TUB: variants seen among roughly 807,000 people sequenced by gnomAD.
TUB encodes the protein tubby protein homolog.
A neutral mutation model predicts 59.7 loss-of-function variants in TUB; 33 were observed. That is an observed-to-expected ratio of 0.55 (90% CI 0.42 to 0.74). The LOEUF is 0.74. Ranked by LOEUF, TUB falls within the 30% of genes least tolerant of loss-of-function variation. TUB has a pLI of 0.00. For missense variants in TUB, 659 were observed against 672.0 expected (o/e 0.98, Z 0.21); for synonymous variants, 293 against 256.4 (o/e 1.14, Z -1.36).
At chr11:8,099,508 T>C (rs1054438961) in intron 9 of TUB, among the ~76,000 whole-genome samples, 1 of 152,140 alleles carries the variant, frequency 6.6e-6, no homozygotes, top group African/African-American at 2.4e-5. Context: ...CTGACCAGTT[T>C]TGGGGAGGCA....
At chr11:8,046,803 T>C (rs1942841571) in intron 2 of TUB, among the ~76,000 whole-genome samples, 1 of 152,142 alleles carries the variant, frequency 6.6e-6, no homozygotes, top group Non-Finnish European at 1.5e-5. Context: ...TTTCAGTGGA[T>C]TCTCTGAAGC....
chr11:8,020,640 T>C (rs935900628), intron 1 of TUB, among the ~76,000 whole-genome samples: 6 of 152,316 alleles, frequency 3.9e-5, no homozygotes, highest in East Asian at 1.9e-4. Context: ...TGGGGAAATA[T>C]ATCGTCTGAA....
intron 1 of TUB, among the ~76,000 whole-genome samples, chr11:8,030,565 G>A (rs1942554743): frequency 6.6e-6 from 1 of 152,184 alleles, no homozygotes; most frequent in Non-Finnish European, 1.5e-5. Flanking sequence ...CCCTAGATAT[G>A]TATGTGTGTT....
In TUB at chr11:8,103,764, C is replaced by T. The variant is rs1301476209; in HGVS notation, c.*2145C>T. On this transcript the variant is annotated 3_prime_UTR_variant, in exon 12 of 12. Coordinates refer to ENST00000299506, the MANE Select transcript of TUB (RefSeq NM_177972.3). ...TGAGATGATGGAAACTAGATCGTCT[C>T]TAATGTTAGGTCAAGCTATTTCTCT... is the stretch of plus-strand genomic sequence containing the variant. 2 of 152,644 alleles carry T rather than the reference C, an allele frequency of 1.3e-5. No individual in the cohort carries two copies. Among genetic ancestry groups the T allele is most frequent in the Non-Finnish European group, 2.9e-5 (2 of 68,050 alleles). 9.5% of individuals were successfully genotyped at this position (152,644 alleles called of 1,614,324 possible).
At chr11:8,063,334 G>C (rs1162220816) in intron 2 of TUB, among the ~76,000 whole-genome samples, 1 of 152,190 alleles carries the variant, frequency 6.6e-6, no homozygotes, top group African/African-American at 2.4e-5. Context: ...TTTAGAAAAA[G>C]AAAGTAAAAT....
chr11:8,066,258 C>T (rs1162384032), intron 2 of TUB, among the ~76,000 whole-genome samples: 1 of 152,200 alleles, frequency 6.6e-6, no homozygotes, highest in African/African-American at 2.4e-5. Flanking sequence ...CCACTTGGCA[C>T]ACAGCATGAC....
intron 2 of TUB, among the ~76,000 whole-genome samples, chr11:8,074,222 G>T (rs2133801301): frequency 6.6e-6 from 1 of 152,154 alleles, no homozygotes; most frequent in South Asian, 2.1e-4. Context: ...AGGGGCCAAA[G>T]CTGGAGCTAA....
intron 11 of TUB, 27 bp from the exon 12 acceptor site, chr11:8,101,459 T>C (rs751826346): frequency 5.8e-6 from 6 of 1,028,688 alleles, no homozygotes; most frequent in Non-Finnish European, 7.8e-6. Context: ...TGTCCTTTTC[T>C]CTGTCTGTGC....
chr11:8,095,492 C>T lies in TUB; in HGVS notation c.398-6C>T, dbSNP rs760094717. On this transcript the variant is annotated splice_region_variant and splice_polypyrimidine_tract_variant and intron_variant, in intron 4 of 11. Coordinates refer to ENST00000299506, the MANE Select transcript of TUB (RefSeq NM_177972.3). Reference sequence around the variant, plus strand: ...GATGTAACTCAGGCGTGTCCGTGGCCTGCAGGCACCAGCGGGCCAGCAGCA... The same window carrying T: ...GATGTAACTCAGGCGTGTCCGTGGCTTGCAGGCACCAGCGGGCCAGCAGCA... The T allele has an allele frequency of 6.2e-7, 1 of 1,606,462 alleles. No homozygotes were observed. Among genetic ancestry groups the T allele is most frequent in the Non-Finnish European group, 8.5e-7 (1 of 1,175,494 alleles).
intron 1 of TUB, among the ~76,000 whole-genome samples, chr11:8,024,159 A>G (rs536272513): frequency 5.9e-5 from 9 of 152,308 alleles, no homozygotes; most frequent in African/African-American, 2.2e-4. Flanking sequence ...CCCAGCTTGT[A>G]TTACATGGTA....
At position 8,105,191 on chromosome 11, in the gene TUB, C is replaced by T. The variant is rs1233429730; in HGVS notation, c.*3572C>T. The stretch of plus-strand genomic sequence containing the variant: ...ACTGCAGTAACACTGGCCTTCCCTT[C>T]TCTAATTCCTTACCCCAGCTGCGGC... On this transcript the variant is annotated 3_prime_UTR_variant, in exon 12 of 12. Coordinates refer to ENST00000299506, the MANE Select transcript of TUB (RefSeq NM_177972.3). 3 of 152,180 alleles carry T rather than the reference C, an allele frequency of 2.0e-5. No individual in the cohort carries two copies. The highest frequency in any genetic ancestry group is 4.4e-5 in the Non-Finnish European group (3 of 68,056). The allele number at this position is 152,180 out of a possible 1,614,324, so 9.4% of individuals were successfully genotyped here.
chr11:8,035,272 T>C (rs1450619647), upstream of TUB, among the ~76,000 whole-genome samples: 2 of 152,272 alleles, frequency 1.3e-5, no homozygotes. Flanking sequence ...TTGGCCTCAC[T>C]TGCCTTACCC....
intron 1 of TUB, among the ~76,000 whole-genome samples, chr11:8,086,642 C>T (rs1023764395): frequency 9.2e-5 from 14 of 152,152 alleles, no homozygotes; most frequent in African/African-American, 3.4e-4. Flanking sequence ...TACCAGGAAT[C>T]GTGCCCACTC....
In TUB at chr11:8,098,746, C is replaced by T; in HGVS notation, c.999-12C>T. The T allele has an allele frequency of 6.2e-7, 1 of 1,600,832 alleles. No homozygotes were observed. The highest frequency in any genetic ancestry group is 8.6e-7 in the Non-Finnish European group (1 of 1,168,326). On this transcript the variant is annotated splice_polypyrimidine_tract_variant and intron_variant, in intron 8 of 11. Transcript: ENST00000299506. ...GGTGCATGACTCTATACTGATTGTG[C>T]CTTTATTTCAGGTCCAACTTGATGG...
At position 8,094,202 on chromosome 11, in the gene TUB, T is replaced by C. The variant is rs768429042; in HGVS notation, c.397+13T>C. 7 of 1,605,686 alleles carry C rather than the reference T, an allele frequency of 4.4e-6. No individual in the cohort carries two copies. Among genetic ancestry groups the C allele is most frequent in the Non-Finnish European group, 6.0e-6 (7 of 1,175,538 alleles). On this transcript the variant is annotated intron_variant, in intron 4 of 11. Coordinates refer to ENST00000299506, the MANE Select transcript of TUB (RefSeq NM_177972.3). ...GGAAAGCACAAAGGTCAGCTCACAT[T>C]CTCTACAGCCCTCCCCAGCAGGCCT... is the stretch of plus-strand genomic sequence containing the variant.
chr11:8,080,533 C>G (rs1431809371), upstream of TUB, among the ~76,000 whole-genome samples: 1 of 152,232 alleles, frequency 6.6e-6, no homozygotes, highest in African/African-American at 2.4e-5. Flanking sequence ...TTCAGCTCCA[C>G]CACTTCCTAG....
intron 1 of TUB, among the ~76,000 whole-genome samples, chr11:8,032,755 C>G (rs532249779): frequency 6.6e-6 from 1 of 152,200 alleles, no homozygotes; most frequent in Non-Finnish European, 1.5e-5. Flanking sequence ...CACCTCACAT[C>G]TGGTCACTAT....
At chr11:8,065,327 G>A (rs765597404) in intron 2 of TUB, among the ~76,000 whole-genome samples, 3 of 152,146 alleles carry the variant, frequency 2.0e-5, no homozygotes, top group African/African-American at 7.2e-5. Flanking sequence ...GTGCTGGAGC[G>A]GGTGGTAATG....
At chr11:8,045,059 A>G (rs1220141282) in intron 2 of TUB, among the ~76,000 whole-genome samples, 2 of 152,120 alleles carry the variant, frequency 1.3e-5, no homozygotes, top group Non-Finnish European at 2.9e-5. Context: ...ATCATTGACC[A>G]TTGGTGAGTG....
Sources: gnomAD v4.1 joint callset for allele counts (sites outside exome capture counted in the v4.1 genomes callset) on GRCh38, gnomAD v4.1.1 for gene constraint, MANE v1.5 for transcripts, NCBI Gene and HGNC (gene_info 2026-07-23, HGNC 2026-07-21) for gene names.